GLI2: variants seen among roughly 807,000 people sequenced by gnomAD.
The protein encoded by GLI2 is transcription activator GLI2.
Under a neutral mutation model 78.9 loss-of-function variants are expected in GLI2, and 22 were observed. The observed-to-expected ratio is 0.28, with a 90% CI of 0.20 to 0.40. The LOEUF (loss-of-function observed/expected upper bound fraction) is 0.40, where lower values mean the gene tolerates loss of function less well. GLI2 is among the 10% of genes least tolerant of loss of function. The pLI, the probability that GLI2 is intolerant of heterozygous loss-of-function variation, is 1.00. For missense variants in GLI2, 2,097 were observed against 2,213.2 expected (o/e 0.95, Z 1.05); for synonymous variants, 974 against 963.7 (o/e 1.01, Z -0.20).
In GLI2 at chr2:120,841,888, T is replaced by TGTGTGTGTGTGA. The variant is rs768879101; in HGVS notation, c.148+44421_148+44422insTGTGTGTGTGAG. On this transcript the variant is annotated intron_variant, in intron 2 of 13. Coordinates refer to ENST00000361492, the MANE Select transcript of GLI2 (RefSeq NM_001374353.1). ...GTGTGTGTGTGTGTGTGTGTGTGTG[T>TGTGTGTGTGTGA]GATGCTGGGCTCTGGGAAAGATAAA... Among the ~76,000 whole-genome samples the TGTGTGTGTGTGA allele has an allele frequency of 2.2e-3, 327 of 150,888 alleles. 1 individual carries two copies. Among genetic ancestry groups the TGTGTGTGTGTGA allele is most frequent in the African/African-American group, 4.7e-3 (195 of 41,086 alleles).
At chr2:120,782,126 C>T (rs957137890) in intron 1 of GLI2, among the ~76,000 whole-genome samples, 13 of 152,152 alleles carry the variant, frequency 8.5e-5, no homozygotes, top group Admixed American at 3.9e-4. Flanking sequence ...TGTCTCGCTA[C>T]GATAGCAATT....
At chr2:120,925,207 G>A (rs1328510736) in intron 2 of GLI2, among the ~76,000 whole-genome samples, 1 of 152,216 alleles carries the variant, frequency 6.6e-6, no homozygotes, top group Non-Finnish European at 1.5e-5. Context: ...CTTGGACCAC[G>A]TGCCTGCAAC....
chr2:120,939,840 C>T (rs1296032665), intron 3 of GLI2, among the ~76,000 whole-genome samples: 2 of 152,206 alleles, frequency 1.3e-5, no homozygotes, highest in African/African-American at 4.8e-5. Context: ...CTAGACATTG[C>T]CAGACTTCGC....
chr2:120,895,396 T>C (rs1677894242), intron 2 of GLI2, among the ~76,000 whole-genome samples: 1 of 152,150 alleles, frequency 6.6e-6, no homozygotes, highest in Non-Finnish European at 1.5e-5. Context: ...TGAATTGTTA[T>C]GAATAAAAAA....
intron 2 of GLI2, among the ~76,000 whole-genome samples, chr2:120,900,578 A>G (rs2104779543): frequency 6.6e-6 from 1 of 152,352 alleles, no homozygotes; most frequent in East Asian, 1.9e-4. Flanking sequence ...TAGCGATGTT[A>G]ACCCTTGGCC....
chr2:120,773,844 G>T (rs1423503644), intron 1 of GLI2, among the ~76,000 whole-genome samples: 1 of 152,058 alleles, frequency 6.6e-6, no homozygotes, highest in Admixed American at 6.5e-5. Context: ...TTGCTGGGTT[G>T]TGCCTCCTGG....
chr2:120,863,283 G>C lies in GLI2; in HGVS notation c.149-64078G>C, dbSNP rs927439270. ...CCGACCACTGCCCCTCAGGACCCTTGCATGCCTTGGCTCCGGCCAGTGCCC... is the reference window on the plus strand; with the variant it reads ...CCGACCACTGCCCCTCAGGACCCTTCCATGCCTTGGCTCCGGCCAGTGCCC... On this transcript the variant is annotated intron_variant, in intron 2 of 13. Transcript: ENST00000361492. Among the ~76,000 whole-genome samples, 7 of 152,338 alleles carry C rather than the reference G, an allele frequency of 4.6e-5. No homozygotes were observed. The South Asian group carries it at 1.4e-3, about 32-fold the overall frequency.
At chr2:120,875,247 T>C (rs1296547819) in intron 2 of GLI2, among the ~76,000 whole-genome samples, 1 of 152,232 alleles carries the variant, frequency 6.6e-6, no homozygotes, top group Non-Finnish European at 1.5e-5. Flanking sequence ...TGACTCAGTG[T>C]CTGTTGTTGG....
chr2:120,977,096 T>A (rs1474499427), intron 9 of GLI2, among the ~76,000 whole-genome samples: 1 of 151,838 alleles, frequency 6.6e-6, no homozygotes, highest in African/African-American at 2.4e-5. Flanking sequence ...GTTGGGCGAG[T>A]CGCACAGGGC....
intron 9 of GLI2, among the ~76,000 whole-genome samples, chr2:120,977,732 C>A (rs1020356882): frequency 1.6e-4 from 25 of 152,272 alleles, no homozygotes; most frequent in African/African-American, 5.5e-4. Context: ...TGCCTGGGGC[C>A]GTTTTCTCCC....
intron 2 of GLI2, among the ~76,000 whole-genome samples, chr2:120,824,987 C>T (rs528530386): frequency 5.1e-4 from 77 of 152,316 alleles, no homozygotes; most frequent in African/African-American, 1.8e-3. Flanking sequence ...AGGTGCCTGC[C>T]ATCACACCTG....
chr2:120,969,121 C>T (rs557778273), intron 6 of GLI2, among the ~76,000 whole-genome samples: 1 of 152,376 alleles, frequency 6.6e-6, no homozygotes, highest in African/African-American at 2.4e-5. Flanking sequence ...AGTACATCTT[C>T]ATGGACCAGG....
At chr2:120,796,744 A>T (rs1684415428) in intron 1 of GLI2, among the ~76,000 whole-genome samples, 1 of 152,258 alleles carries the variant, frequency 6.6e-6, no homozygotes, top group Admixed American at 6.5e-5. Context: ...ACCAGGCATG[A>T]TGCCTGATGC....
intron 2 of GLI2, among the ~76,000 whole-genome samples, chr2:120,804,974 AGATTCGTGCAGTGGC>A (rs1383069040): frequency 3.9e-5 from 6 of 152,182 alleles, no homozygotes; most frequent in African/African-American, 1.4e-4. Context: ...AACTTCTCTG[AGATTCGTGCAGTGGC>A]GATGGTAGTG....
chr2:120,989,117 A>G lies in GLI2; in HGVS notation c.3152A>G (p.Gln1051Arg), dbSNP rs1178246285. ...DDLVLPDDVV[Q>R]YIKAHASGAL... is the part of the protein sequence containing the mutation. The stretch of plus-strand genomic sequence containing the variant: ...CTGGTGCTTCCAGACGACGTGGTGC[A>G]GTACATCAAGGCGCACGCCAGTGGC... The change falls in exon 14 of 14, where the codon CAG (glutamine) becomes CGG (arginine). Residue 1051 changes from glutamine (Q) to arginine (R), a missense_variant. By Grantham distance (43) the Gln-to-Arg change is conservative. Around this residue, in one of 5 missense-constraint regions of GLI2, gnomAD observed 1,290 missense variants for 1,261.7 expected, o/e 1.02. Coordinates refer to ENST00000361492, the MANE Select transcript of GLI2 (RefSeq NM_001374353.1). 1.2e-6 allele frequency: 2 copies of G among 1,612,886 alleles called. No homozygotes were observed. Among genetic ancestry groups the G allele is most frequent in the Non-Finnish European group, 1.7e-6 (2 of 1,179,942 alleles).
Position 120,986,586 on chromosome 2 carries a change from C to G in GLI2, c.2214C>G (p.Asn738Lys), listed in dbSNP as rs904385464. ...SWAGPTPHTR[N>K]TKLPPLPGSG... ...CCGGGCCGACTCCACACACGCGGAA[C>G]ACCAAGCTGCCTCCCCTCCCGGGAA... Residue 738 changes from asparagine to lysine, a missense_variant, in exon 13 of 14, where the codon AAC (asparagine) becomes AAG (lysine). By Grantham distance (94) the Asn-to-Lys change is moderately conservative (BLOSUM62 0). Coordinates refer to ENST00000361492, the MANE Select transcript of GLI2 (RefSeq NM_001374353.1). 6.2e-6 allele frequency: 10 copies of G among 1,614,110 alleles called. No individual in the cohort carries two copies. The highest frequency in any genetic ancestry group is 1.7e-4 in the Middle Eastern group (1 of 6,048).
intron 2 of GLI2, among the ~76,000 whole-genome samples, chr2:120,866,054 C>T (rs1193688039): frequency 1.3e-5 from 2 of 152,216 alleles, no homozygotes; most frequent in African/African-American, 4.8e-5. Context: ...CTTCAAGATT[C>T]GAGGAAGGCC....
intron 2 of GLI2, among the ~76,000 whole-genome samples, chr2:120,851,066 G>A (rs994123445): frequency 2.0e-5 from 3 of 152,106 alleles, no homozygotes; most frequent in Admixed American, 6.5e-5. Flanking sequence ...AAAATCATAC[G>A]CAGATCTTTT....
intron 2 of GLI2, among the ~76,000 whole-genome samples, chr2:120,810,683 G>A (rs1294886669): frequency 1.3e-5 from 2 of 152,226 alleles, no homozygotes; most frequent in Non-Finnish European, 2.9e-5. Flanking sequence ...CTTCTCGATA[G>A]AAACTGAGTT....
Sources: gnomAD v4.1 joint callset for allele counts (sites outside exome capture counted in the v4.1 genomes callset) on GRCh38, gnomAD v4.1.1 for gene constraint, gnomAD v4.1.1 regional missense constraint, MANE v1.5 for transcripts, NCBI Gene and HGNC (gene_info 2026-07-23, HGNC 2026-07-21) for gene names.